USP6NL: variants seen among roughly 807,000 people sequenced by gnomAD.
The protein encoded by USP6NL is USP6 N-terminal-like protein.
In USP6NL, 26 loss-of-function variants were observed where a neutral mutation model predicts 61.9. That is an observed-to-expected ratio of 0.42 (90% CI 0.31 to 0.58). The LOEUF (loss-of-function observed/expected upper bound fraction) is 0.58. Ranked by LOEUF, USP6NL falls within the 20% of genes least tolerant of loss-of-function variation. The pLI is 0.16. For synonymous variants in USP6NL, 432 were observed against 390.1 expected (o/e 1.11, Z -1.27); for missense variants, 1,114 against 1,034.3 (o/e 1.08, Z -1.06).
chr10:11,538,824 T>C (rs1835935948), intron 2 of USP6NL, among the ~76,000 whole-genome samples: 1 of 152,176 alleles, frequency 6.6e-6, no homozygotes, highest in Non-Finnish European at 1.5e-5. Flanking sequence ...ACCTGCATTT[T>C]AAATAACATA....
chr10:11,557,847 T>C lies in USP6NL; in HGVS notation c.5-30280A>G, dbSNP rs549853623. On this transcript the variant is annotated intron_variant, in intron 2 of 14. Coordinates refer to ENST00000609104, the MANE Select transcript of USP6NL (RefSeq NM_014688.5). ...AACGAGATGCAGGGAGCTCCAACAG[T>C]ATTAGTCTGCTGGTCCATGAAGCCA... 1.6e-4 allele frequency among the ~76,000 whole-genome samples: 25 copies of C among 152,268 alleles called. No individual in the cohort carries two copies. In the South Asian group the frequency reaches 5.2e-3, roughly 32 times the overall value.
intron 4 of USP6NL, among the ~76,000 whole-genome samples, chr10:11,524,379 A>G: frequency 6.6e-6 from 1 of 152,244 alleles, no homozygotes; most frequent in Non-Finnish European, 1.5e-5. Flanking sequence ...ACATAAAAAA[A>G]GTATGTAAAC....
Position 11,553,507 on chromosome 10 carries a change from G to A in USP6NL, c.5-25940C>T, listed in dbSNP as rs1836569921. Among the ~76,000 whole-genome samples the A allele has an allele frequency of 6.6e-6, 1 of 152,138 alleles. No individual in the cohort carries two copies. The highest frequency in any genetic ancestry group is 2.4e-5 in the African/African-American group (1 of 41,426). ...ACTAAATAAAAGGCTGAAAATCAAT[G>A]TTCCTTAATATATTATGGGAATATA... On this transcript the variant is annotated intron_variant, in intron 2 of 14. Transcript: ENST00000609104. The surrounding 1 kb of genome is among the most constrained non-coding windows in gnomAD (Gnocchi z 4.8).
At chr10:11,543,815 T>TTTG (rs1555169871) in intron 2 of USP6NL, among the ~76,000 whole-genome samples, 1 of 127,564 alleles carries the variant, frequency 7.8e-6, no homozygotes, top group African/African-American at 2.9e-5. Flanking sequence ...TTTTTTTTTT[T>TTTG]TTTTTTTTTT....
Position 11,462,291 on chromosome 10 carries a change from G to A in USP6NL, c.*150C>T, listed in dbSNP as rs894086935. ...TCTTAAGCAGCATCTACGTGGGGCT[G>A]AAGACATTTCCCTGTATTCTTACTA... is the stretch of plus-strand genomic sequence containing the variant. On this transcript the variant is annotated 3_prime_UTR_variant, in exon 15 of 15. Transcript: ENST00000609104. The A allele has an allele frequency of 2.1e-5, 20 of 942,038 alleles. No homozygotes were observed. The African/African-American group carries it at 2.8e-4, about 13-fold the overall frequency. The allele number at this position is 942,038 out of a possible 1,614,324, so 58.4% of individuals were successfully genotyped here. A position where few individuals can be genotyped will look rare whatever the true frequency, so the allele number is the denominator to read the frequency against.
chr10:11,523,138 C>T (rs1251315857), intron 4 of USP6NL, among the ~76,000 whole-genome samples: 1 of 152,246 alleles, frequency 6.6e-6, no homozygotes, highest in Non-Finnish European at 1.5e-5. Flanking sequence ...GACCTTAGCA[C>T]AGACAGTGAA....
intron 7 of USP6NL, among the ~76,000 whole-genome samples, chr10:11,494,483 G>A (rs949898503): frequency 1.3e-5 from 2 of 152,148 alleles, no homozygotes; most frequent in South Asian, 2.1e-4. Flanking sequence ...GTGTGGCGAC[G>A]AGAGAGTGCA....
intron 6 of USP6NL, 49 bp downstream of exon 6, chr10:11,509,546 C>A: frequency 7.2e-7 from 1 of 1,395,786 alleles, no homozygotes; most frequent in South Asian, 1.4e-5. Flanking sequence ...TATGAAAATC[C>A]ACATTGAGTT....
rs1836367075 is a variant in USP6NL, at chr10:11,548,578, CCCT to C, written c.5-21014_5-21012del. 6.6e-6 allele frequency among the ~76,000 whole-genome samples: 1 copy of C among 152,084 alleles called. No homozygotes were observed. On this transcript the variant is annotated intron_variant, in intron 2 of 14. Coordinates refer to ENST00000609104, the MANE Select transcript of USP6NL (RefSeq NM_014688.5). The surrounding 1 kb of genome is among the most constrained non-coding windows in gnomAD (Gnocchi z 4.3). ...CTATCAACTTTGTACCTATCTCCTTCCCTTCATAAATCCAACAATTGTAACTAA... is the reference window on the plus strand; with the variant it reads ...CTATCAACTTTGTACCTATCTCCTTCTCATAAATCCAACAATTGTAACTAA...
At chr10:11,603,622 C>A (rs928919697) in intron 1 of USP6NL, among the ~76,000 whole-genome samples, 3 of 152,140 alleles carry the variant, frequency 2.0e-5, no homozygotes, top group African/African-American at 4.8e-5. Context: ...AAATCTATAT[C>A]TAATTGGATT....
chr10:11,505,086 T>C (rs1566142551), intron 6 of USP6NL, among the ~76,000 whole-genome samples: 1 of 152,188 alleles, frequency 6.6e-6, no homozygotes, highest in Non-Finnish European at 1.5e-5. Flanking sequence ...ACACAGGGAC[T>C]GTCATCCTGA....
chr10:11,474,850 C>T lies in USP6NL; in HGVS notation c.1078+6920G>A, dbSNP rs893805004. ...TCATTACTACTATGTGACTCAAAAG[C>T]GGCCGGGGAGGTGGGATGTGAAGTG... On this transcript the variant is annotated intron_variant, in intron 14 of 14. Coordinates refer to ENST00000609104, the MANE Select transcript of USP6NL (RefSeq NM_014688.5). The surrounding 1 kb of genome is among the most constrained non-coding windows in gnomAD (Gnocchi z 4.9). 6.6e-5 allele frequency among the ~76,000 whole-genome samples: 10 copies of T among 152,060 alleles called. No individual in the cohort carries two copies. Among genetic ancestry groups the T allele is most frequent in the Admixed American group, 2.0e-4 (3 of 15,268 alleles).
intron 2 of USP6NL, among the ~76,000 whole-genome samples, chr10:11,542,560 A>C (rs1836109405): frequency 6.6e-6 from 1 of 152,122 alleles, no homozygotes; most frequent in African/African-American, 2.4e-5. Context: ...GTCTACTAAA[A>C]ATACAAAAGT....
chr10:11,491,874 C>T lies in USP6NL; in HGVS notation c.495-994G>A, dbSNP rs560622145. 5.3e-5 allele frequency among the ~76,000 whole-genome samples: 8 copies of T among 152,264 alleles called. No individual in the cohort carries two copies. In the South Asian group the frequency reaches 8.3e-4, roughly 16 times the overall value. On this transcript the variant is annotated intron_variant, in intron 8 of 14. Transcript: ENST00000609104. The surrounding 1 kb of genome is among the most constrained non-coding windows in gnomAD (Gnocchi z 4.7). ...AGGGAATATGGAATGGGCAGTGAAA[C>T]GTGGCATTATAAACACCACCTGTGA...
In USP6NL at chr10:11,554,085, T is replaced by C. The variant is rs906570189; in HGVS notation, c.5-26518A>G. Among the ~76,000 whole-genome samples, 31 of 152,256 alleles carry C rather than the reference T, an allele frequency of 2.0e-4. 1 individual carries two copies. Among genetic ancestry groups the C allele is most frequent in the African/African-American group, 4.8e-4 (20 of 41,548 alleles). On this transcript the variant is annotated intron_variant, in intron 2 of 14. Coordinates refer to ENST00000609104, the MANE Select transcript of USP6NL (RefSeq NM_014688.5). ...TTAAAGCTAACTCATTAGGTAAAGA[T>C]GGTTGCTGGATCTCCAGCCATCACA...
chr10:11,539,408 T>C (rs565003217), intron 2 of USP6NL, among the ~76,000 whole-genome samples: 2 of 152,354 alleles, frequency 1.3e-5, no homozygotes, highest in Admixed American at 6.5e-5. Context: ...AAAGAAACAG[T>C]ATCACTTAGT....
In USP6NL at chr10:11,527,387, A is replaced by G. The variant is rs149228591; in HGVS notation, c.72+113T>C. On this transcript the variant is annotated intron_variant, in intron 3 of 14. Coordinates refer to ENST00000609104, the MANE Select transcript of USP6NL (RefSeq NM_014688.5). ...CAGCGAAGATGATCTCTATGTCCCC[A>G]TGAAGTTAAACAAACTGCTTCTGGA... The G allele has an allele frequency of 3.0e-4, 259 of 869,850 alleles. 1 individual carries two copies. The African/African-American group carries it at 3.8e-3, about 13-fold the overall frequency. The allele number at this position is 869,850 out of a possible 1,614,324, so 53.9% of individuals were successfully genotyped here.
intron 2 of USP6NL, among the ~76,000 whole-genome samples, chr10:11,567,711 TAAC>T (rs1424791525): frequency 2.0e-5 from 3 of 152,174 alleles, no homozygotes; most frequent in African/African-American, 4.8e-5. Flanking sequence ...AGCAACAGAA[TAAC>T]AACAATAATA....
In USP6NL at chr10:11,540,559, A is replaced by T. The variant is rs570370709; in HGVS notation, c.5-12992T>A. Among the ~76,000 whole-genome samples the T allele has an allele frequency of 2.2e-4, 33 of 152,312 alleles. No individual in the cohort carries two copies. Among genetic ancestry groups the T allele is most frequent in the Non-Finnish European group, 1.5e-5 (1 of 68,020 alleles). On this transcript the variant is annotated intron_variant, in intron 2 of 14. Transcript: ENST00000609104. This position sits in a 1 kb window ranked among gnomAD's most constrained non-coding sequence, Gnocchi z 5.0. Reference sequence around the variant, plus strand: ...GTGCAGTTATATGCACTACAATAAAAGTTTGTGTTGAATTTGGCCCATAGG... The same window carrying T: ...GTGCAGTTATATGCACTACAATAAATGTTTGTGTTGAATTTGGCCCATAGG...
Sources: allele counts gnomAD v4.1 joint callset (sites outside exome capture counted in the v4.1 genomes callset), GRCh38; gene constraint gnomAD v4.1.1; non-coding constraint Gnocchi (gnomAD v3.1); transcripts MANE v1.5; gene names NCBI Gene and HGNC (gene_info 2026-07-23, HGNC 2026-07-21).